NFIB: variants seen among roughly 807,000 people sequenced by gnomAD.
NFIB encodes the protein nuclear factor 1 B-type.
In NFIB, 11 loss-of-function variants were observed where a neutral mutation model predicts 61.5. The observed-to-expected ratio is 0.18, with a 90% confidence interval of 0.11 to 0.30. The LOEUF (loss-of-function observed/expected upper bound fraction) is 0.30, where lower values mean the gene tolerates loss of function less well. Among genes scored for constraint, NFIB ranks in the 10% least tolerant of loss-of-function variants. The probability of loss-of-function intolerance (pLI) is 1.00; values close to 1 mark genes in which losing one functional copy is unlikely to be tolerated. For synonymous variants in NFIB, 260 were observed against 216.5 expected, an observed-to-expected ratio of 1.20 and a Z score of -1.76; for missense variants, 471 against 608.9, an observed-to-expected ratio of 0.77 and a Z score of 2.38.
chr9:14,360,785 C>G (rs2061230140), intron 1 of NFIB, among the ~76,000 whole-genome samples: 1 of 152,034 alleles, frequency 6.6e-6, no homozygotes, highest in African/African-American at 2.4e-5. Flanking sequence ...ACCTCGTCAT[C>G]CGCCCGCCTG....
chr9:14,138,811 T>C (rs1163158250), intron 6 of NFIB, among the ~76,000 whole-genome samples: 2 of 152,168 alleles, frequency 1.3e-5, no homozygotes, highest in Non-Finnish European at 2.9e-5. Flanking sequence ...TCCCCACATT[T>C]ATTCTTCAAA....
At chr9:14,256,400 C>A (rs967297321) in intron 2 of NFIB, among the ~76,000 whole-genome samples, 1 of 152,028 alleles carries the variant, frequency 6.6e-6, no homozygotes, top group African/African-American at 2.4e-5. Flanking sequence ...TAGACAAGAA[C>A]CCCTCCTTAC....
intron 2 of NFIB, among the ~76,000 whole-genome samples, chr9:14,232,939 G>A (rs2053361377): frequency 6.6e-6 from 1 of 152,216 alleles, no homozygotes; most frequent in Admixed American, 6.5e-5. Context: ...AGTGGCCAGG[G>A]CCCATCTAGC....
intron 2 of NFIB, among the ~76,000 whole-genome samples, chr9:14,253,683 A>G (rs1043456831): frequency 2.0e-5 from 3 of 151,958 alleles, no homozygotes; most frequent in Non-Finnish European, 4.4e-5. Context: ...ATTTTTTAAT[A>G]AAAAAAAGAA....
intron 2 of NFIB, among the ~76,000 whole-genome samples, chr9:14,192,085 C>G (rs1297124519): frequency 1.3e-5 from 2 of 152,128 alleles, no homozygotes; most frequent in Non-Finnish European, 2.9e-5. Flanking sequence ...AATTCTTTGT[C>G]AGAGTTAATT....
At chr9:14,402,479 G>C (rs892278145), upstream of NFIB, among the ~76,000 whole-genome samples, 3 of 152,020 alleles carry the variant, frequency 2.0e-5, no homozygotes, top group Admixed American at 6.5e-5. Context: ...AGTATTTTTT[G>C]TAGTCATTAA....
At chr9:14,267,274 T>C (rs1213559147) in intron 2 of NFIB, among the ~76,000 whole-genome samples, 3 of 152,222 alleles carry the variant, frequency 2.0e-5, no homozygotes, top group African/African-American at 7.2e-5. Flanking sequence ...AAATATTTAA[T>C]TCACGGTGAA....
intron 2 of NFIB, among the ~76,000 whole-genome samples, chr9:14,285,941 G>C (rs570738665): frequency 2.0e-5 from 3 of 152,234 alleles, no homozygotes; most frequent in South Asian, 4.1e-4. Context: ...AAGTTATACA[G>C]TTAAAAAATG....
intron 2 of NFIB, among the ~76,000 whole-genome samples, chr9:14,202,127 T>TTCAC (rs1157189738): frequency 1.3e-5 from 1 of 78,178 alleles, no homozygotes; most frequent in Non-Finnish European, 3.1e-5. Context: ...ATTGATACTT[T>TTCAC]TCACACACAC....
At chr9:14,168,417 T>C (rs1188555990) in intron 3 of NFIB, among the ~76,000 whole-genome samples, 1 of 152,144 alleles carries the variant, frequency 6.6e-6, no homozygotes, top group Non-Finnish European at 1.5e-5. Flanking sequence ...GAAGTCTCAC[T>C]GAGGAGGTGA....
rs113484844 is a variant in NFIB at position 14,381,454 on chromosome 9, G to A, written c.108+17070C>T. 2.4e-4 allele frequency among the ~76,000 whole-genome samples: 36 copies of A among 152,260 alleles called. 1 individual carries two copies. Among genetic ancestry groups the A allele is most frequent in the African/African-American group, 7.9e-4 (33 of 41,562 alleles). ...GATCTGGTTGTCTCAGCCTCCCAAA[G>A]TGCTAGGATTACAGGTGTGAGCCAC... On this transcript the variant is annotated intron_variant, in intron 1 of 8. Transcript: ENST00000380934.
At chr9:14,349,351 A>G (rs1338794965) in intron 1 of NFIB, among the ~76,000 whole-genome samples, 1 of 152,172 alleles carries the variant, frequency 6.6e-6, no homozygotes. Flanking sequence ...TCTTTAGGGC[A>G]AACTCTGCAA....
At chr9:14,353,440 C>A (rs2061138013) in intron 1 of NFIB, among the ~76,000 whole-genome samples, 1 of 152,062 alleles carries the variant, frequency 6.6e-6, no homozygotes, top group Non-Finnish European at 1.5e-5. Flanking sequence ...AGCGGGGGAG[C>A]TCCTGGAGAG....
At chr9:14,415,893 G>A in the NFIB span, among the ~76,000 whole-genome samples, 1 of 152,050 alleles carries the variant, frequency 6.6e-6, no homozygotes, top group African/African-American at 2.4e-5. Context: ...ATGGAAATTG[G>A]CCACTGAGCC....
At chr9:14,226,951 C>CT (rs1300341531) in intron 2 of NFIB, among the ~76,000 whole-genome samples, 1 of 150,958 alleles carries the variant, frequency 6.6e-6, no homozygotes, top group African/African-American at 2.4e-5. Flanking sequence ...ACCAGCCTGA[C>CT]TAAGATGGTG....
the NFIB span, among the ~76,000 whole-genome samples, chr9:14,414,006 G>A: frequency 1.2e-4 from 18 of 152,232 alleles, no homozygotes; most frequent in African/African-American, 2.4e-4. Flanking sequence ...TAGATTTACC[G>A]AAGCATTCAC....
chr9:14,219,010 T>C (rs756652884), intron 2 of NFIB, among the ~76,000 whole-genome samples: 16 of 152,206 alleles, frequency 1.1e-4, no homozygotes, highest in Non-Finnish European at 2.2e-4. Flanking sequence ...AATAGTTGCC[T>C]CATTCTCCTG....
At chr9:14,476,820 C>G in the NFIB span, among the ~76,000 whole-genome samples, 1 of 152,172 alleles carries the variant, frequency 6.6e-6, no homozygotes, top group East Asian at 1.9e-4. Flanking sequence ...GACCATTTCT[C>G]AGACTTAAAC....
intron 2 of NFIB, among the ~76,000 whole-genome samples, chr9:14,187,264 T>C (rs1244621688): frequency 6.6e-6 from 1 of 152,128 alleles, no homozygotes; most frequent in Non-Finnish European, 1.5e-5. Context: ...TTTGTTTTTT[T>C]AGTGAATCCG....
Sources: gnomAD v4.1 joint callset for allele counts (sites outside exome capture counted in the v4.1 genomes callset) on GRCh38, gnomAD v4.1.1 for gene constraint, MANE v1.5 for transcripts, NCBI Gene and HGNC (gene_info 2026-07-23, HGNC 2026-07-21) for gene names.